Variants in CHD9 observed in about 807,000 individuals in gnomAD.
CHD9 encodes the protein ATP-dependent chromatin remodeler CHD9.
In CHD9, 77 loss-of-function variants were observed where a neutral mutation model predicts 316.1. The ratio of observed to expected loss-of-function variants is 0.24; its 90% CI spans 0.20 to 0.29. The LOEUF is 0.29. Among genes scored for constraint, CHD9 ranks in the 10% least tolerant of loss-of-function variants. The probability of loss-of-function intolerance (pLI) is 1.00; values close to 1 mark genes in which losing one functional copy is unlikely to be tolerated. For missense variants in CHD9, 2,763 were observed against 3,438.1 expected (o/e 0.80, Z 4.91); for synonymous variants, 1,129 against 1,158.3 (o/e 0.97, Z 0.51).
At chr16:53,147,829 A>G (rs894907129) in intron 1 of CHD9, among the ~76,000 whole-genome samples, 1 of 151,982 alleles carries the variant, frequency 6.6e-6, no homozygotes, top group African/African-American at 2.4e-5. Context: ...CCCTATTTTC[A>G]GTTGCTTTTG....
At chr16:53,172,572 C>T (rs1442892879) in intron 2 of CHD9, among the ~76,000 whole-genome samples, 2 of 152,038 alleles carry the variant, frequency 1.3e-5, no homozygotes, top group African/African-American at 4.8e-5. Context: ...ATATATTTAA[C>T]TTTTTACGAA....
At chr16:53,274,156 G>T in intron 23 of CHD9, 57 bp from the exon 24 acceptor site, 1 of 1,079,172 alleles carries the variant, frequency 9.3e-7, no homozygotes, top group South Asian at 1.4e-5. Context: ...CCCCATGTCC[G>T]AATATTTTAA....
chr16:53,129,538 T>A (rs1262799451), intron 1 of CHD9, among the ~76,000 whole-genome samples: 1 of 152,238 alleles, frequency 6.6e-6, no homozygotes, highest in Non-Finnish European at 1.5e-5. Context: ...ATATAAAGAA[T>A]GAAATTACTT....
intron 2 of CHD9, among the ~76,000 whole-genome samples, chr16:53,204,499 G>T (rs1490990110): frequency 6.6e-6 from 1 of 152,166 alleles, no homozygotes; most frequent in Non-Finnish European, 1.5e-5. Flanking sequence ...TTAGAGGCAT[G>T]AAGTGCATGC....
Position 53,133,838 on chromosome 16 carries a change from C to T in CHD9, c.-164-22088C>T, listed in dbSNP as rs1426720756. Among the ~76,000 whole-genome samples, 4 of 152,258 alleles carry T rather than the reference C, an allele frequency of 2.6e-5. No homozygotes were observed. The Middle Eastern group carries it at 0.01, about 388-fold the overall frequency. On this transcript the variant is annotated intron_variant, in intron 1 of 38. Coordinates refer to ENST00000447540, the MANE Select transcript of CHD9 (RefSeq NM_001308319.2). ...CGAATGCTTTCTACAAGGCACTGTG[C>T]TAGACCTTCCTGGTTTACCTCTGGA...
At chr16:53,075,865 T>C (rs1040478570) in intron 1 of CHD9, among the ~76,000 whole-genome samples, 1 of 152,194 alleles carries the variant, frequency 6.6e-6, no homozygotes, top group African/African-American at 2.4e-5. Context: ...GTATAGCTTT[T>C]TTACATTCCC....
chr16:53,084,432 C>T (rs563061488), intron 1 of CHD9, among the ~76,000 whole-genome samples: 1 of 152,290 alleles, frequency 6.6e-6, no homozygotes, highest in South Asian at 2.1e-4. Context: ...CAACTGGCAG[C>T]AGATACAGCA....
chr16:53,084,983 G>T (rs535285522), intron 1 of CHD9, among the ~76,000 whole-genome samples: 1 of 152,336 alleles, frequency 6.6e-6, no homozygotes, highest in African/African-American at 2.4e-5. Context: ...CTGCTAGACA[G>T]GCTTTGTTTG....
chr16:53,080,560 AC>A, intron 1 of CHD9, among the ~76,000 whole-genome samples: 1 of 152,306 alleles, frequency 6.6e-6, no homozygotes, highest in Non-Finnish European at 1.5e-5. Context: ...TTTGAACACA[AC>A]GAGGGGGAAG....
At chr16:53,182,108 G>C (rs1382084552) in intron 2 of CHD9, among the ~76,000 whole-genome samples, 1 of 152,300 alleles carries the variant, frequency 6.6e-6, no homozygotes, top group South Asian at 2.1e-4. Flanking sequence ...GATTAATTAA[G>C]CATGCACACA....
intron 32 of CHD9, among the ~76,000 whole-genome samples, chr16:53,306,733 T>G (rs2056012377): frequency 6.6e-6 from 1 of 152,172 alleles, no homozygotes; most frequent in Non-Finnish European, 1.5e-5. Context: ...AATGAAAAGT[T>G]CATTTAAATA....
chr16:53,276,130 A>G (rs2052789371), intron 24 of CHD9, among the ~76,000 whole-genome samples: 1 of 152,152 alleles, frequency 6.6e-6, no homozygotes, highest in African/African-American at 2.4e-5. Flanking sequence ...ATTATTCAAC[A>G]TAGATTCTAT....
intron 1 of CHD9, among the ~76,000 whole-genome samples, chr16:53,149,032 T>C (rs555158587): frequency 6.6e-6 from 1 of 152,248 alleles, no homozygotes; most frequent in Admixed American, 6.5e-5. Context: ...ATTGATTGTG[T>C]GCTATTTAAT....
At chr16:53,109,905 C>T (rs1262877326) in intron 1 of CHD9, among the ~76,000 whole-genome samples, 2 of 149,406 alleles carry the variant, frequency 1.3e-5, no homozygotes, top group Non-Finnish European at 3.0e-5. Context: ...AGGATGGTCT[C>T]GATCTCCTGA....
chr16:53,165,318 C>A (rs987991731), intron 2 of CHD9, among the ~76,000 whole-genome samples: 1 of 152,064 alleles, frequency 6.6e-6, no homozygotes, highest in Non-Finnish European at 1.5e-5. Flanking sequence ...GTGGCAATTA[C>A]AAAAGGTGAA....
chr16:53,200,579 C>T (rs2045369054), intron 2 of CHD9, among the ~76,000 whole-genome samples: 3 of 151,818 alleles, frequency 2.0e-5, no homozygotes, highest in Admixed American at 2.0e-4. Flanking sequence ...AGTAGAATTC[C>T]AATTGAAAAT....
chr16:53,091,006 C>CA (rs923553405), intron 1 of CHD9, among the ~76,000 whole-genome samples: 16 of 151,760 alleles, frequency 1.1e-4, no homozygotes, highest in Non-Finnish European at 4.4e-5. Flanking sequence ...AGCTCACCCC[C>CA]CCCCGACTGA....
intron 1 of CHD9, among the ~76,000 whole-genome samples, chr16:53,104,896 G>A (rs1247959823): frequency 6.6e-6 from 1 of 151,098 alleles, no homozygotes; most frequent in African/African-American, 2.4e-5. Flanking sequence ...ATCATTTAAT[G>A]TAATTTTACT....
chr16:53,264,992 G>T (rs1053441624), intron 20 of CHD9, among the ~76,000 whole-genome samples: 1 of 152,240 alleles, frequency 6.6e-6, no homozygotes, highest in Admixed American at 6.5e-5. Flanking sequence ...TAAGCATATA[G>T]TCATTTAATA....
Sources: gnomAD v4.1 joint callset for allele counts (sites outside exome capture counted in the v4.1 genomes callset) on GRCh38, gnomAD v4.1.1 for gene constraint, MANE v1.5 for transcripts, NCBI Gene and HGNC (gene_info 2026-07-23, HGNC 2026-07-21) for gene names.